Variants in DTX2 observed in about 807,000 individuals in gnomAD.
DTX2 encodes probable E3 ubiquitin-protein ligase DTX2.
Under a neutral mutation model 55.3 loss-of-function variants are expected in DTX2, and 29 were observed. The ratio of observed to expected loss-of-function variants is 0.52; its 90% CI spans 0.39 to 0.71. The LOEUF (loss-of-function observed/expected upper bound fraction) is 0.71, where lower values mean the gene tolerates loss of function less well. DTX2 is among the 30% of genes least tolerant of loss of function. The pLI is 0.00. For missense variants in DTX2, 537 were observed against 822.5 expected (o/e 0.65, Z 4.25); for synonymous variants, 276 against 340.4 (o/e 0.81, Z 2.08).
intron 8 of DTX2, chr7:76,502,982 T>C (rs925896816): frequency 4.7e-6 from 1 of 211,444 alleles, no homozygotes; most frequent in South Asian, 1.1e-4. Context: ...CTGCTCTCCC[T>C]GCATCGGCCT....
At chr7:76,467,737 A>G (rs1807329314) in intron 2 of DTX2, among the ~76,000 whole-genome samples, 1 of 147,990 alleles carries the variant, frequency 6.8e-6, no homozygotes, top group African/African-American at 2.5e-5. Flanking sequence ...GGAGACAGAT[A>G]ATGGCACTGA....
rs565898747 is a variant in DTX2 at position 76,491,296 on chromosome 7, A to AT, written c.909-841dup. ...TAGGCGTGAGCCACTGCACCCAGCC[A>AT]TTTTTTTTTTTTTTTTGAGACGGAG... is the stretch of plus-strand genomic sequence containing the variant. On this transcript the variant is annotated intron_variant, in intron 4 of 10. Transcript: ENST00000430490. 8.6e-3 allele frequency among the ~76,000 whole-genome samples: 956 copies of AT among 111,492 alleles called. 14 individuals are homozygous for AT. The highest frequency in any genetic ancestry group is 0.012 in the Middle Eastern group (2 of 164). The allele number at this position is 111,492 out of a possible 152,430, so 73.1% of individuals were successfully genotyped here.
intron 2 of DTX2, among the ~76,000 whole-genome samples, chr7:76,464,698 C>G (rs1799200): frequency 7.0e-6 from 1 of 143,710 alleles, no homozygotes; most frequent in Admixed American, 6.9e-5. Flanking sequence ...TGCCTGGCCT[C>G]GTGAGGGACA....
intron 7 of DTX2, chr7:76,501,205 G>T (rs2116600107): frequency 2.3e-6 from 1 of 443,452 alleles, no homozygotes; most frequent in Non-Finnish European, 4.5e-6. Flanking sequence ...CAGATACTTG[G>T]GGGCGGGTGG....
chr7:76,481,633 C>A (rs1462921338), intron 3 of DTX2, among the ~76,000 whole-genome samples: 3 of 151,912 alleles, frequency 2.0e-5, no homozygotes, highest in Non-Finnish European at 2.9e-5. Context: ...TTGGTTGTTA[C>A]AGCTGAGTGG....
At position 76,483,013 on chromosome 7, in the gene DTX2, G is replaced by A. The variant is rs535139642; in HGVS notation, c.774G>A (p.Ala258=). The change falls in exon 4 of 11, where the codon GCG becomes GCA. Residue 258 remains alanine (A), a synonymous_variant. Coordinates refer to ENST00000430490, the MANE Select transcript of DTX2 (RefSeq NM_001102594.3). The part of the protein sequence containing the change: ...NKPSLSGARS[A]PRLNTTNAWG... Reference sequence around the variant, plus strand: ...CCTCACTCTCCGGGGCCCGGTCTGCGCCCAGGCTGAACACCACCAACGCCT... The same window carrying A: ...CCTCACTCTCCGGGGCCCGGTCTGCACCCAGGCTGAACACCACCAACGCCT... 2.4e-5 allele frequency: 39 copies of A among 1,613,456 alleles called. No individual in the cohort carries two copies. In the East Asian group the frequency reaches 4.5e-4, roughly 18 times the overall value.
chr7:76,469,825 G>C (rs564467059), intron 2 of DTX2, among the ~76,000 whole-genome samples: 4 of 151,838 alleles, frequency 2.6e-5, no homozygotes, highest in Non-Finnish European at 5.9e-5. Flanking sequence ...TCTGGAAACA[G>C]ATTTGGGTTT....
intron 2 of DTX2, among the ~76,000 whole-genome samples, chr7:76,475,701 G>T (rs1039645599): frequency 2.0e-5 from 3 of 150,596 alleles, no homozygotes; most frequent in Admixed American, 6.6e-5. Context: ...TAAAAAAAAA[G>T]AAAAAAAATC....
At chr7:76,482,119 A>C (rs1809299351) in intron 3 of DTX2, among the ~76,000 whole-genome samples, 1 of 152,282 alleles carries the variant, frequency 6.6e-6, no homozygotes, top group Non-Finnish European at 1.5e-5. Context: ...AGACAGGATA[A>C]ATAATAACAT....
chr7:76,483,192 G>T (rs759623433), intron 4 of DTX2, 45 bp downstream of exon 4: 2 of 1,583,222 alleles, frequency 1.3e-6, no homozygotes, highest in Non-Finnish European at 1.7e-6. Flanking sequence ...CTGTGTTTCC[G>T]CTCTTAGCCG....
At chr7:76,484,349 G>A in intron 4 of DTX2, among the ~76,000 whole-genome samples, 1 of 100,636 alleles carries the variant, frequency 9.9e-6, no homozygotes, top group Non-Finnish European at 2.0e-5. Context: ...CCATCTCGGG[G>A]GAAAAAAATA....
At chr7:76,478,329 G>A (rs1808770929) in intron 2 of DTX2, 1 of 145,566 alleles carries the variant, frequency 6.9e-6, no homozygotes, top group Admixed American at 6.8e-5. Context: ...ACCTTCCCTG[G>A]AAGGGAGACA....
intron 2 of DTX2, chr7:76,472,243 T>G (rs1808015214): frequency 6.7e-6 from 1 of 149,998 alleles, no homozygotes; most frequent in African/African-American, 2.5e-5. Context: ...GCAGCAGCCA[T>G]TTAAAGTAAT....
intron 2 of DTX2, among the ~76,000 whole-genome samples, chr7:76,471,439 G>A (rs1215196839): frequency 2.0e-5 from 3 of 151,024 alleles, no homozygotes; most frequent in East Asian, 2.0e-4. Flanking sequence ...GGGATTACAG[G>A]TGTGAGCCAC....
chr7:76,466,413 CT>C (rs61026525), intron 2 of DTX2, among the ~76,000 whole-genome samples: 5 of 138,320 alleles, frequency 3.6e-5, no homozygotes, highest in Middle Eastern at 3.5e-3. Flanking sequence ...TATATCTAAT[CT>C]TTTTTTTTTA....
intron 2 of DTX2, among the ~76,000 whole-genome samples, chr7:76,468,758 ATTT>A (rs3972784): frequency 2.6e-4 from 7 of 27,026 alleles, no homozygotes; most frequent in Non-Finnish European, 1.2e-4. Context: ...CACGCCCAGC[ATTT>A]TTTTTTTTTT....
chr7:76,505,439 C>T lies in DTX2; in HGVS notation c.1707C>T (p.Thr569=), dbSNP rs1212490685. 8 of 1,604,452 alleles carry T rather than the reference C, an allele frequency of 5.0e-6. No homozygotes were observed. The highest frequency in any genetic ancestry group is 6.8e-6 in the Non-Finnish European group (8 of 1,175,742). Residue 569 remains threonine (T), a synonymous_variant, in exon 11 of 11, where the codon ACC becomes ACT. Coordinates refer to ENST00000430490, the MANE Select transcript of DTX2 (RefSeq NM_001102594.3). This position sits in a 1 kb window ranked among gnomAD's most constrained non-coding sequence, Gnocchi z 4.4. ...RLIFTVGTSS[T]TGETDTVVWN... is the part of the protein sequence containing the mutation. ...TCTTCACAGTGGGCACGTCCAGCACCACGGGTGAGACGGACACCGTGGTAT... is the reference window on the plus strand; with the variant it reads ...TCTTCACAGTGGGCACGTCCAGCACTACGGGTGAGACGGACACCGTGGTAT...
At chr7:76,491,155 G>C (rs1020038777) in intron 4 of DTX2, among the ~76,000 whole-genome samples, 12 of 151,542 alleles carry the variant, frequency 7.9e-5, no homozygotes, top group African/African-American at 2.9e-4. Context: ...CTGCCACCAC[G>C]CCTGGCTAAT....
At chr7:76,498,208 G>C (rs545700963) in intron 6 of DTX2, among the ~76,000 whole-genome samples, 1 of 151,756 alleles carries the variant, frequency 6.6e-6, no homozygotes, top group African/African-American at 2.4e-5. Flanking sequence ...AGGTCCTCTC[G>C]GAGCCTCCGC....
Sources: allele counts gnomAD v4.1 joint callset (sites outside exome capture counted in the v4.1 genomes callset), GRCh38; gene constraint gnomAD v4.1.1; non-coding constraint Gnocchi (gnomAD v3.1); transcripts MANE v1.5; gene names NCBI Gene and HGNC (gene_info 2026-07-23, HGNC 2026-07-21).